Variants in PKIB observed in about 807,000 individuals in gnomAD.
The protein encoded by PKIB is cAMP-dependent protein kinase inhibitor beta, also known as PKI-beta.
A neutral mutation model predicts 4.5 loss-of-function variants in PKIB; 2 were observed. The observed-to-expected ratio is 0.44, with a 90% CI of 0.18 to 1.39. The LOEUF is 1.39. PKIB is among the 40% of genes most tolerant of loss of function. The probability of loss-of-function intolerance (pLI) is 0.27; values close to 1 mark genes in which losing one functional copy is unlikely to be tolerated. For missense variants in PKIB, 94 were observed against 92.6 expected (o/e 1.02, Z -0.06); for synonymous variants, 38 against 36.0 (o/e 1.06, Z -0.20).
chr6:122,601,259 T>G (rs767387653), intron 3 of PKIB, among the ~76,000 whole-genome samples: 10 of 151,880 alleles, frequency 6.6e-5, no homozygotes, highest in Non-Finnish European at 1.5e-4. Context: ...ATGAGCGAAA[T>G]GTTTCCAACC....
chr6:122,520,661 T>TCCTCC (rs1776908284), intron 2 of PKIB, among the ~76,000 whole-genome samples: 1 of 55,548 alleles, frequency 1.8e-5, no homozygotes, highest in Non-Finnish European at 3.8e-5. Context: ...AAGTTTATGT[T>TCCTCC]CCCACCCCCC....
At chr6:122,540,552 G>T (rs1384388374) in intron 2 of PKIB, among the ~76,000 whole-genome samples, 2 of 152,020 alleles carry the variant, frequency 1.3e-5, no homozygotes, top group East Asian at 3.9e-4. Context: ...GAGACAGTTT[G>T]TTATAATTTC....
At chr6:122,561,843 G>T (rs778139479) in intron 2 of PKIB, among the ~76,000 whole-genome samples, 1 of 152,050 alleles carries the variant, frequency 6.6e-6, no homozygotes, top group Non-Finnish European at 1.5e-5. Context: ...TCAGCAGGTA[G>T]TTGGTTGGTG....
At chr6:122,527,917 CCT>C (rs1554217912) in intron 2 of PKIB, among the ~76,000 whole-genome samples, 1 of 151,978 alleles carries the variant, frequency 6.6e-6, no homozygotes, top group Non-Finnish European at 1.5e-5. Context: ...ATTTAAATCC[CCT>C]GTTTTCTTAT....
At chr6:122,646,545 T>G (rs1562283558) in intron 2 of PKIB, among the ~76,000 whole-genome samples, 1 of 152,188 alleles carries the variant, frequency 6.6e-6, no homozygotes, top group Non-Finnish European at 1.5e-5. Flanking sequence ...ATGTTCACTT[T>G]TAAAAAATCT....
intron 3 of PKIB, among the ~76,000 whole-genome samples, chr6:122,688,973 G>T (rs1465506469): frequency 6.6e-6 from 1 of 151,868 alleles, no homozygotes; most frequent in Non-Finnish European, 1.5e-5. Flanking sequence ...AGTAGAGACG[G>T]GGTTTCACCA....
At chr6:122,617,046 G>C (rs1420727550) in intron 1 of PKIB, among the ~76,000 whole-genome samples, 27 of 152,116 alleles carry the variant, frequency 1.8e-4, no homozygotes, top group Admixed American at 1.8e-3. Flanking sequence ...AAAATGCCCA[G>C]CTAACTCACT....
At chr6:122,705,378 A>G (rs1303819635) in intron 3 of PKIB, among the ~76,000 whole-genome samples, 1 of 152,138 alleles carries the variant, frequency 6.6e-6, no homozygotes, top group Non-Finnish European at 1.5e-5. Flanking sequence ...CAAGTCTGAT[A>G]GTGTAAGTCC....
At chr6:122,534,187 A>G (rs1274103568) in intron 2 of PKIB, among the ~76,000 whole-genome samples, 1 of 149,336 alleles carries the variant, frequency 6.7e-6, no homozygotes, top group African/African-American at 2.4e-5. Context: ...ATAATATATT[A>G]TATACAATTG....
intron 2 of PKIB, among the ~76,000 whole-genome samples, chr6:122,502,289 CTT>C (rs1776264102): frequency 6.6e-6 from 1 of 151,906 alleles, no homozygotes; most frequent in South Asian, 2.1e-4. Flanking sequence ...TTTCAGGTAT[CTT>C]TATAGCAATG....
intron 2 of PKIB, among the ~76,000 whole-genome samples, chr6:122,657,544 T>C (rs1460247022): frequency 6.6e-6 from 1 of 152,228 alleles, no homozygotes; most frequent in African/African-American, 2.4e-5. Context: ...GTATGTAGAA[T>C]TTCATACTGA....
intron 2 of PKIB, among the ~76,000 whole-genome samples, chr6:122,490,539 T>G (rs1311282560): frequency 6.6e-6 from 1 of 151,840 alleles, no homozygotes; most frequent in African/African-American, 2.4e-5. Flanking sequence ...CGGTGATGAG[T>G]GAGTTTCCTT....
intron 2 of PKIB, among the ~76,000 whole-genome samples, chr6:122,552,843 T>C (rs1772718455): frequency 6.6e-6 from 1 of 152,148 alleles, no homozygotes; most frequent in African/African-American, 2.4e-5. Flanking sequence ...TCCAACAAGG[T>C]CTGGATCTCA....
intron 1 of PKIB, among the ~76,000 whole-genome samples, chr6:122,629,480 A>G (rs1775604145): frequency 6.6e-6 from 1 of 152,206 alleles, no homozygotes; most frequent in African/African-American, 2.4e-5. Flanking sequence ...AAAATTCCAA[A>G]TAATTTGAGT....
chr6:122,692,391 G>A (rs143781983), intron 3 of PKIB, among the ~76,000 whole-genome samples: 83 of 152,142 alleles, frequency 5.5e-4, no homozygotes, highest in Non-Finnish European at 7.5e-4. Context: ...AGCTAAGCTG[G>A]CACTCAGACC....
intron 2 of PKIB, among the ~76,000 whole-genome samples, chr6:122,579,406 G>A (rs1198255845): frequency 6.6e-6 from 1 of 151,820 alleles, no homozygotes; most frequent in African/African-American, 2.4e-5. Context: ...CAAATTCTTA[G>A]GGCCTTTTCT....
intron 3 of PKIB, among the ~76,000 whole-genome samples, chr6:122,698,162 A>G (rs1778649451): frequency 6.6e-6 from 1 of 152,162 alleles, no homozygotes; most frequent in Non-Finnish European, 1.5e-5. Flanking sequence ...ATCATGTATA[A>G]TTGTGGCAAC....
At chr6:122,516,648 C>T (rs1469245621) in intron 2 of PKIB, among the ~76,000 whole-genome samples, 4 of 152,106 alleles carry the variant, frequency 2.6e-5, no homozygotes, top group Non-Finnish European at 5.9e-5. Flanking sequence ...TCAGATCTGA[C>T]GTATAGCAGG....
Position 122,717,928 on chromosome 6 carries a change from TG to T in PKIB, c.135del (p.Leu45PhefsTer10). 1 of 1,613,872 alleles carries T rather than the reference TG, an allele frequency of 6.2e-7. No individual in the cohort carries two copies. The highest frequency in any genetic ancestry group is 8.5e-7 in the Non-Finnish European group (1 of 1,179,782). On this transcript the variant is annotated frameshift_variant, in exon 4 of 5. Transcript: ENST00000368452. LOFTEE classifies it high-confidence loss of function. ...GCTGCCACAGACGGAACCTCAGATT[TG>T]CCCCTCAAACTGGAGGCTCTCTCCG... The part of the protein sequence containing the change: ...SSAATDGTSD[L>X]PLKLEALSVK...
Sources: allele counts gnomAD v4.1 joint callset (sites outside exome capture counted in the v4.1 genomes callset), GRCh38; gene constraint gnomAD v4.1.1; transcripts MANE v1.5; gene names NCBI Gene and HGNC (gene_info 2026-07-23, HGNC 2026-07-21).